RPH3A: variants seen among roughly 807,000 people sequenced by gnomAD.
The protein encoded by RPH3A is rabphilin-3A.
RPH3A carries 48 observed loss-of-function variants against 102.2 expected under a neutral mutation model. The ratio of observed to expected loss-of-function variants is 0.47; its 90% confidence interval spans 0.37 to 0.60. RPH3A has a LOEUF of 0.60. Ranked by LOEUF, RPH3A falls within the 20% of genes least tolerant of loss-of-function variation. RPH3A has a pLI of 0.00. For synonymous variants in RPH3A, 310 were observed against 324.3 expected, an observed-to-expected ratio of 0.96 and a Z score of 0.47; for missense variants, 781 against 910.1, an observed-to-expected ratio of 0.86 and a Z score of 1.83.
At chr12:112,674,740 T>A (rs897850260) in intron 1 of RPH3A, among the ~76,000 whole-genome samples, 12 of 152,164 alleles carry the variant, frequency 7.9e-5, no homozygotes, top group African/African-American at 2.7e-4. Context: ...CACATGCCTG[T>A]AGATCAGATA....
intron 1 of RPH3A, among the ~76,000 whole-genome samples, chr12:112,749,819 G>A (rs2040773998): frequency 6.6e-6 from 1 of 152,160 alleles, no homozygotes; most frequent in Admixed American, 6.5e-5. Flanking sequence ...TATAGCAAAT[G>A]CTCCCAGAAA....
At chr12:112,642,150 C>G (rs1027333183) in intron 1 of RPH3A, among the ~76,000 whole-genome samples, 3 of 152,176 alleles carry the variant, frequency 2.0e-5, no homozygotes, top group African/African-American at 7.2e-5. Flanking sequence ...ACAAACATAG[C>G]ATTTAAAATC....
intron 17 of RPH3A, among the ~76,000 whole-genome samples, chr12:112,889,545 G>A (rs2136263883): frequency 1.3e-5 from 2 of 152,342 alleles, no homozygotes; most frequent in South Asian, 4.1e-4. Context: ...CCAAAGTGGG[G>A]AGGTTGGATT....
chr12:112,852,075 T>C (rs568656507), intron 5 of RPH3A, among the ~76,000 whole-genome samples: 3 of 152,326 alleles, frequency 2.0e-5, no homozygotes, highest in Non-Finnish European at 4.4e-5. Context: ...CTAGGTTTGC[T>C]CACTCAGCTG....
intron 1 of RPH3A, among the ~76,000 whole-genome samples, chr12:112,617,430 G>A (rs1306783116): frequency 2.0e-5 from 3 of 152,150 alleles, no homozygotes; most frequent in Non-Finnish European, 2.9e-5. Context: ...GTTGCTGTGG[G>A]CATAGCTGAG....
chr12:112,810,848 C>T (rs11066423), intron 2 of RPH3A, among the ~76,000 whole-genome samples: 4,505 of 151,928 alleles, frequency 0.03, 234 homozygotes, highest in African/African-American at 0.1. Context: ...TGTAAAAATG[C>T]CTTTTGATTA....
At chr12:112,894,313 CTCTCTGGA>C (rs2043145671) in intron 19 of RPH3A, 2 of 495,154 alleles carry the variant, frequency 4.0e-6, no homozygotes, top group Non-Finnish European at 7.0e-6. Flanking sequence ...ACACTTCTGC[CTCTCTGGA>C]TCTCAGTTTC....
At position 112,845,213 on chromosome 12, in the gene RPH3A, A is replaced by G. The variant is rs564533908; in HGVS notation, c.84-2483A>G. ...CTGGGGACCATCCTAGAGGCTGGCC[A>G]CCATACTGGTCTTCTTTCCCTCTAG... On this transcript the variant is annotated intron_variant, in intron 4 of 21. Coordinates refer to ENST00000389385, the MANE Select transcript of RPH3A (RefSeq NM_001143854.2). Among the ~76,000 whole-genome samples, 46 of 152,266 alleles carry G rather than the reference A, an allele frequency of 3.0e-4. 1 individual carries two copies. In the Middle Eastern group the frequency reaches 0.01, roughly 34 times the overall value.
chr12:112,667,700 GAGAGAGAGAGAGAGAGAGAGAA>G (rs2040096758), intron 1 of RPH3A, among the ~76,000 whole-genome samples: 1 of 144,242 alleles, frequency 6.9e-6, no homozygotes, highest in African/African-American at 2.5e-5. Context: ...GAGAGAGAGA[GAGAGAGAGAGAGAGAGAGAGAA>G]ATTACTGGAA....
intron 1 of RPH3A, among the ~76,000 whole-genome samples, chr12:112,754,924 C>T (rs1198652566): frequency 6.6e-6 from 1 of 152,176 alleles, no homozygotes; most frequent in East Asian, 1.9e-4. Flanking sequence ...GTGGAGCTGA[C>T]ATCAGTATTT....
Position 112,896,817 on chromosome 12 carries a change from C to A in RPH3A, c.*37C>A, listed in dbSNP as rs774737920. 8 of 1,611,232 alleles carry A rather than the reference C, an allele frequency of 5.0e-6. No homozygotes were observed. The highest frequency in any genetic ancestry group is 5.9e-6 in the Non-Finnish European group (7 of 1,178,748). ...GGTCCCCATCTCCATGTCCCGGGTC[C>A]CCCCCAGCCTGCTCTAGCTGCCCAC... On this transcript the variant is annotated 3_prime_UTR_variant, in exon 22 of 22. Coordinates refer to ENST00000389385, the MANE Select transcript of RPH3A (RefSeq NM_001143854.2).
At chr12:112,807,984 A>AGTACACTGTT (rs2041501520) in intron 2 of RPH3A, among the ~76,000 whole-genome samples, 1 of 151,908 alleles carries the variant, frequency 6.6e-6, no homozygotes, top group South Asian at 2.1e-4. Context: ...TCTATTTACC[A>AGTACACTGTT]CTATATCTCC....
At chr12:112,686,883 GTGCTT>G (rs1244475818) in intron 1 of RPH3A, among the ~76,000 whole-genome samples, 1 of 152,222 alleles carries the variant, frequency 6.6e-6, no homozygotes, top group Non-Finnish European at 1.5e-5. Flanking sequence ...TGTAATCCTA[GTGCTT>G]TGGGAGGCTG....
chr12:112,711,202 G>A (rs1193040186), intron 1 of RPH3A, among the ~76,000 whole-genome samples: 6 of 152,120 alleles, frequency 3.9e-5, no homozygotes, highest in African/African-American at 1.2e-4. Flanking sequence ...GCTCATTCCT[G>A]GACCTATTGA....
chr12:112,660,077 T>C (rs1032632126), intron 1 of RPH3A, among the ~76,000 whole-genome samples: 1 of 152,200 alleles, frequency 6.6e-6, no homozygotes, highest in Admixed American at 6.6e-5. Context: ...GATATGAATA[T>C]ATAAGCACAC....
At chr12:112,699,494 T>C (rs1410857126) in intron 1 of RPH3A, among the ~76,000 whole-genome samples, 1 of 152,164 alleles carries the variant, frequency 6.6e-6, no homozygotes, top group Non-Finnish European at 1.5e-5. Flanking sequence ...TGGGCAAATC[T>C]CAAAAACATT....
intron 1 of RPH3A, among the ~76,000 whole-genome samples, chr12:112,750,665 T>A (rs1446147517): frequency 1.3e-5 from 2 of 152,102 alleles, no homozygotes; most frequent in Non-Finnish European, 2.9e-5. Context: ...AATATCCAAC[T>A]CCCCTCTTGA....
chr12:112,757,890 G>A (rs2040831956), intron 1 of RPH3A, among the ~76,000 whole-genome samples: 1 of 152,200 alleles, frequency 6.6e-6, no homozygotes, highest in African/African-American at 2.4e-5. Flanking sequence ...CAGAAGCCAG[G>A]CACGTGCCTC....
chr12:112,872,898 C>A (rs1027377055), intron 10 of RPH3A, among the ~76,000 whole-genome samples: 1 of 152,222 alleles, frequency 6.6e-6, no homozygotes, highest in Non-Finnish European at 1.5e-5. Context: ...TTAGCTGCTA[C>A]CTTCTCTGAG....
Sources: gnomAD v4.1 joint callset for allele counts (sites outside exome capture counted in the v4.1 genomes callset) on GRCh38, gnomAD v4.1.1 for gene constraint, MANE v1.5 for transcripts, NCBI Gene and HGNC (gene_info 2026-07-23, HGNC 2026-07-21) for gene names.